The following PRUNE2 variants were observed in gnomAD, a reference collection of about 807,000 sequenced individuals.
PRUNE2 encodes protein prune homolog 2.
PRUNE2 carries 164 observed loss-of-function variants against 252.0 expected under a neutral mutation model. The ratio of observed to expected loss-of-function variants is 0.65; its 90% CI spans 0.57 to 0.74. PRUNE2 has a LOEUF of 0.74. Among genes scored for constraint, PRUNE2 ranks in the 30% least tolerant of loss-of-function variants. The pLI, the probability that PRUNE2 is intolerant of heterozygous loss-of-function variation, is 0.00. For missense variants in PRUNE2, 3,495 were observed against 3,711.0 expected (o/e 0.94, Z 1.51); for synonymous variants, 1,292 against 1,350.2 (o/e 0.96, Z 0.94).
intron 6 of PRUNE2, among the ~76,000 whole-genome samples, chr9:76,812,628 A>C (rs1054385928): frequency 2.0e-5 from 3 of 152,250 alleles, no homozygotes; most frequent in Admixed American, 2.0e-4. Context: ...GCTTATGCCC[A>C]ACACCACATA....
intron 9 of PRUNE2, among the ~76,000 whole-genome samples, chr9:76,668,250 A>T (rs192882865): frequency 2.2e-4 from 34 of 152,350 alleles, no homozygotes; most frequent in Non-Finnish European, 4.3e-4. Flanking sequence ...TAAAAATACA[A>T]AAACAAAACT....
intron 1 of PRUNE2, among the ~76,000 whole-genome samples, chr9:76,872,422 G>C (rs975969856): frequency 2.0e-5 from 3 of 152,148 alleles, no homozygotes; most frequent in African/African-American, 7.2e-5. Context: ...GGGCGCAGTG[G>C]ACAGGAGCCA....
At chr9:76,753,294 C>T (rs4744809) in intron 6 of PRUNE2, among the ~76,000 whole-genome samples, 100,204 of 152,032 alleles carry the variant, frequency 0.66, 33,749 homozygotes, top group East Asian at 0.84. Flanking sequence ...TCCCAAAGTA[C>T]TGGGATTACA....
At chr9:76,853,590 A>G (rs560030472) in intron 2 of PRUNE2, among the ~76,000 whole-genome samples, 19 of 152,358 alleles carry the variant, frequency 1.2e-4, no homozygotes, top group Non-Finnish European at 2.4e-4. Flanking sequence ...GTACAAAATC[A>G]GGGATACAAG....
At chr9:76,771,625 T>C (rs1589132926) in intron 6 of PRUNE2, among the ~76,000 whole-genome samples, 1 of 152,170 alleles carries the variant, frequency 6.6e-6, no homozygotes, top group Non-Finnish European at 1.5e-5. Flanking sequence ...TGGCTGCAAA[T>C]TGTACACATC....
intron 6 of PRUNE2, among the ~76,000 whole-genome samples, chr9:76,723,859 G>C (rs2047857590): frequency 6.6e-6 from 1 of 150,946 alleles, no homozygotes; most frequent in Admixed American, 6.6e-5. Flanking sequence ...CCAGGCTGGG[G>C]TGCAGTGGTG....
chr9:76,660,450 T>C (rs1850865327), intron 9 of PRUNE2, among the ~76,000 whole-genome samples: 1 of 152,144 alleles, frequency 6.6e-6, no homozygotes, highest in Admixed American at 6.5e-5. Flanking sequence ...TGAAAATTCA[T>C]CTAGGATCAC....
At chr9:76,664,573 C>A (rs771597619) in intron 9 of PRUNE2, among the ~76,000 whole-genome samples, 2 of 152,106 alleles carry the variant, frequency 1.3e-5, no homozygotes, top group African/African-American at 4.8e-5. Context: ...CAGGCTGGAG[C>A]GCAATGGAGC....
At chr9:76,636,426 A>T in intron 15 of PRUNE2, 45 bp downstream of exon 15, 1 of 1,035,770 alleles carries the variant, frequency 9.7e-7, no homozygotes, top group African/African-American at 1.6e-5. Context: ...CATATTTTTT[A>T]AAACTACTAG....
At chr9:76,674,577 T>C (rs2042147823) in intron 9 of PRUNE2, among the ~76,000 whole-genome samples, 1 of 151,594 alleles carries the variant, frequency 6.6e-6, no homozygotes, top group Admixed American at 6.6e-5. Context: ...AAAGTTCATA[T>C]GGAACCAAAA....
chr9:76,794,349 G>A (rs1205567800), intron 6 of PRUNE2, among the ~76,000 whole-genome samples: 9 of 152,172 alleles, frequency 5.9e-5, no homozygotes, highest in South Asian at 4.1e-4. Context: ...GAGCGCGGTC[G>A]CTCACGCCTC....
intron 6 of PRUNE2, among the ~76,000 whole-genome samples, chr9:76,720,449 A>G (rs1329018): frequency 0.22 from 33,072 of 152,130 alleles, 4,058 homozygotes; most frequent in East Asian, 0.58. Context: ...GGTGACTCAA[A>G]TCAGTTACTT....
At chr9:76,837,144 TA>T (rs34876471) in intron 4 of PRUNE2, among the ~76,000 whole-genome samples, 43,583 of 151,834 alleles carry the variant, frequency 0.29, 10,718 homozygotes, top group African/African-American at 0.67. Context: ...TAAAGCTGAT[TA>T]AAAAAATGAA....
At chr9:76,755,217 C>A (rs1285174168) in intron 6 of PRUNE2, among the ~76,000 whole-genome samples, 1 of 152,114 alleles carries the variant, frequency 6.6e-6, no homozygotes, top group East Asian at 1.9e-4. Flanking sequence ...GTCTCCCCTG[C>A]CCCCAGCACA....
chr9:76,780,645 C>T (rs761535447), intron 6 of PRUNE2, among the ~76,000 whole-genome samples: 22 of 152,150 alleles, frequency 1.4e-4, no homozygotes, highest in Admixed American at 1.3e-3. Context: ...GAGCTGAGAT[C>T]GCCCCACTGC....
chr9:76,883,943 A>T (rs1044831815), intron 1 of PRUNE2, among the ~76,000 whole-genome samples: 3 of 152,230 alleles, frequency 2.0e-5, no homozygotes, highest in Non-Finnish European at 4.4e-5. Context: ...AGACATGCTT[A>T]GCCCAGTGCC....
chr9:76,624,571 G>T, intron 16 of PRUNE2, 81 bp from the exon 17 acceptor site: 1 of 1,023,866 alleles, frequency 9.8e-7, no homozygotes. Flanking sequence ...CAGCAAAGCA[G>T]GGCCAAATGA....
rs1455795795 is a variant in PRUNE2 at position 76,644,766 on chromosome 9, G to A, written c.8701C>T (p.Pro2901Ser). ...EQRIDMKVIE[P>S]YRRVISHGGY... ...CCGTGAGAAATGACTCTCCTGTAGG[G>A]CTCGATGACCTTCATGTCAATGCGC... The change falls in exon 12 of 19, where the codon CCC becomes TCC. Residue 2901 changes from proline to serine, a missense_variant. Pro to Ser is a moderately conservative substitution (Grantham distance 74, BLOSUM62 -1). Coordinates refer to ENST00000376718, the MANE Select transcript of PRUNE2 (RefSeq NM_015225.3). The A allele has an allele frequency of 6.2e-7, 1 of 1,613,710 alleles. No individual in the cohort carries two copies. Among genetic ancestry groups the A allele is most frequent in the Non-Finnish European group, 8.5e-7 (1 of 1,179,826 alleles).
intron 3 of PRUNE2, 25 bp from the exon 4 acceptor site, chr9:76,846,703 A>C (rs369735308): frequency 7.0e-5 from 112 of 1,598,784 alleles, no homozygotes; most frequent in Non-Finnish European, 8.9e-5. Flanking sequence ...GAGGGGAGGA[A>C]GAGAAAGGGA....
Sources: gnomAD v4.1 joint callset for allele counts (sites outside exome capture counted in the v4.1 genomes callset) on GRCh38, gnomAD v4.1.1 for gene constraint, MANE v1.5 for transcripts, NCBI Gene and HGNC (gene_info 2026-07-23, HGNC 2026-07-21) for gene names.